The following ITK variants were observed in gnomAD, a reference collection of about 807,000 sequenced individuals.
The protein encoded by ITK is IL2 inducible T cell kinase.
Under a neutral mutation model 87.6 loss-of-function variants are expected in ITK, and 45 were observed. That is an observed-to-expected ratio of 0.51 (90% CI 0.40 to 0.66). ITK has a LOEUF of 0.66. Among genes scored for constraint, ITK ranks in the 30% least tolerant of loss-of-function variants. The probability of loss-of-function intolerance (pLI) is 0.00; values close to 1 mark genes in which losing one functional copy is unlikely to be tolerated. For synonymous variants in ITK, 303 were observed against 273.6 expected, an observed-to-expected ratio of 1.11 and a Z score of -1.06; for missense variants, 605 against 766.3, an observed-to-expected ratio of 0.79 and a Z score of 2.48.
chr5:157,230,520 T>C (rs938183751), intron 7 of ITK, among the ~76,000 whole-genome samples: 12 of 152,178 alleles, frequency 7.9e-5, no homozygotes, highest in Admixed American at 2.0e-4. Flanking sequence ...CTCAACCTTG[T>C]TTGTTTTGAT....
At chr5:157,197,208 C>T (rs1389037357) in intron 1 of ITK, among the ~76,000 whole-genome samples, 3 of 152,160 alleles carry the variant, frequency 2.0e-5, no homozygotes, top group Admixed American at 2.0e-4. Flanking sequence ...TCAAGAAGAA[C>T]ATGAGAGAGA....
chr5:157,242,649 G>A (rs1754934612), intron 11 of ITK, among the ~76,000 whole-genome samples: 1 of 152,000 alleles, frequency 6.6e-6, no homozygotes, highest in African/African-American at 2.4e-5. Flanking sequence ...TGTAGAGACA[G>A]GGTCTCACTA....
intron 1 of ITK, chr5:157,195,483 A>AT (rs1419744395): frequency 6.6e-6 from 1 of 152,126 alleles, no homozygotes; most frequent in African/African-American, 2.4e-5. Context: ...TTTTATTTTT[A>AT]TTTTTTCAGA....
At position 157,245,863 on chromosome 5, in the gene ITK, C is replaced by G. The variant is rs943470738; in HGVS notation, c.1515-18C>G. The G allele has an allele frequency of 1.2e-6, 2 of 1,610,706 alleles. No homozygotes were observed. Among genetic ancestry groups the G allele is most frequent in the African/African-American group, 1.3e-5 (1 of 74,834 alleles). On this transcript the variant is annotated intron_variant, in intron 14 of 16. Coordinates refer to ENST00000422843, the MANE Select transcript of ITK (RefSeq NM_005546.4). ...GCCCCCGGAACATTCTGACCTTCTC[C>G]CTCCACTCTCTTCCCAGGTTCGTTC...
chr5:157,244,496 G>A lies in ITK; in HGVS notation c.1449+18G>A, dbSNP rs780698240. On this transcript the variant is annotated intron_variant, in intron 13 of 16. Transcript: ENST00000422843. ...GAGACTTGGTATGAGCATGCAGGGT[G>A]AACACCCACAGGTCCAGGGTAAAGG... 9.8e-6 allele frequency: 14 copies of A among 1,424,718 alleles called. No homozygotes were observed. Among genetic ancestry groups the A allele is most frequent in the Non-Finnish European group, 1.4e-5 (14 of 1,007,120 alleles). 88.3% of individuals were successfully genotyped at this position (1,424,718 alleles called of 1,614,324 possible).
Position 157,243,660 on chromosome 5 carries a change from G to C in ITK, c.1098G>C (p.Val366=). ...TCGACCCCTCAGAGCTCACTTTTGT[G>C]CAAGAGATTGGCAGTGGGCAATTTG... ...WVIDPSELTF[V]QEIGSGQFGL... The change falls in exon 12 of 17, where the codon GTG becomes GTC. Residue 366 remains valine, a synonymous_variant. Coordinates refer to ENST00000422843, the MANE Select transcript of ITK (RefSeq NM_005546.4). The C allele has an allele frequency of 6.2e-7, 1 of 1,613,400 alleles. No homozygotes were observed. Among genetic ancestry groups the C allele is most frequent in the South Asian group, 1.1e-5 (1 of 91,038 alleles).
At position 157,252,710 on chromosome 5, in the gene ITK, A is replaced by G; in HGVS notation, c.*32A>G. ...CTGAGTACCAGGCCACGGGCTGCAG[A>G]TCCTGAATGGAGGAAGGATATGTCC... On this transcript the variant is annotated 3_prime_UTR_variant, in exon 17 of 17. Coordinates refer to ENST00000422843, the MANE Select transcript of ITK (RefSeq NM_005546.4). The G allele has an allele frequency of 3.4e-6, 5 of 1,487,370 alleles. No homozygotes were observed. Among genetic ancestry groups the G allele is most frequent in the Non-Finnish European group, 4.7e-6 (5 of 1,064,262 alleles). The allele number at this position is 1,487,370 out of a possible 1,614,324, so 92.1% of individuals were successfully genotyped here.
At chr5:157,241,110 G>A (rs1055680609) in intron 10 of ITK, 1 of 153,070 alleles carries the variant, frequency 6.5e-6, no homozygotes, top group Non-Finnish European at 1.4e-5. Context: ...GCTAATTTTG[G>A]TATTTTTTGT....
intron 8 of ITK, 140 bp from the exon 9 acceptor site, chr5:157,237,969 G>C (rs558263650): frequency 2.4e-5 from 17 of 696,220 alleles, no homozygotes; most frequent in Admixed American, 4.1e-5. Flanking sequence ...TAAATGAAAC[G>C]GTAGCCATTC....
At chr5:157,233,928 G>GAT (rs1554102416) in intron 8 of ITK, among the ~76,000 whole-genome samples, 35 of 45,566 alleles carry the variant, frequency 7.7e-4, no homozygotes, top group Admixed American at 1.3e-3. Flanking sequence ...CCTCCTTACT[G>GAT]ATACATATAT....
At chr5:157,223,076 C>A in intron 6 of ITK, 62 bp downstream of exon 6, 1 of 1,583,422 alleles carries the variant, frequency 6.3e-7, no homozygotes, top group Non-Finnish European at 8.7e-7. Flanking sequence ...AATAAAATAC[C>A]AGGATGATTT....
intron 1 of ITK, among the ~76,000 whole-genome samples, chr5:157,197,044 T>C (rs1439431901): frequency 6.6e-6 from 1 of 152,212 alleles, no homozygotes; most frequent in East Asian, 1.9e-4. Context: ...TAAACACACA[T>C]GTTTTCAACA....
At chr5:157,181,136 G>C (rs765005531) in intron 1 of ITK, 21 bp downstream of exon 1, 1 of 1,613,702 alleles carries the variant, frequency 6.2e-7, no homozygotes, top group East Asian at 2.2e-5. Flanking sequence ...AGTTTCATTT[G>C]TCTTTTTTCG....
At chr5:157,185,051 A>G (rs1355863045) in intron 1 of ITK, among the ~76,000 whole-genome samples, 1 of 152,034 alleles carries the variant, frequency 6.6e-6, no homozygotes, top group Non-Finnish European at 1.5e-5. Flanking sequence ...TGCTTGCAGC[A>G]AGCATCCTTT....
chr5:157,222,996 G>A lies in ITK; in HGVS notation c.629G>A (p.Arg210Lys). The A allele has an allele frequency of 6.2e-7, 1 of 1,614,110 alleles. No individual in the cohort carries two copies. The highest frequency in any genetic ancestry group is 8.5e-7 in the Non-Finnish European group (1 of 1,180,014). ...LLDSSEIHWW[R>K]VQDRNGHEGY... ...GACAGTTCTGAGATTCACTGGTGGA[G>A]AGTCCAGGACAGGAATGGGTAAGTC... Residue 210 changes from arginine (R) to lysine (K), a missense_variant, in exon 6 of 17, where the codon AGA becomes AAA. Arg to Lys is a conservative substitution (Grantham distance 26). Transcript: ENST00000422843.
At chr5:157,212,910 G>T (rs1436230473) in intron 3 of ITK, among the ~76,000 whole-genome samples, 1 of 152,112 alleles carries the variant, frequency 6.6e-6, no homozygotes, top group Non-Finnish European at 1.5e-5. Context: ...TTGGCCATTT[G>T]CCCTCTGTGA....
At chr5:157,225,825 G>A (rs1225620116) in intron 6 of ITK, among the ~76,000 whole-genome samples, 1 of 152,128 alleles carries the variant, frequency 6.6e-6, no homozygotes. Context: ...ACACCGAAGG[G>A]ACCTAGAAAT....
chr5:157,214,538 C>T (rs551151407), intron 4 of ITK, among the ~76,000 whole-genome samples: 121 of 152,158 alleles, frequency 8.0e-4, no homozygotes, highest in Middle Eastern at 3.4e-3. Context: ...GCTCTTTGGA[C>T]CAGCAGCATC....
intron 8 of ITK, among the ~76,000 whole-genome samples, chr5:157,237,653 A>G (rs909737434): frequency 6.6e-6 from 1 of 152,256 alleles, no homozygotes; most frequent in African/African-American, 2.4e-5. Flanking sequence ...ATCCTGGAGT[A>G]GTAGACCAAG....
Sources: gnomAD v4.1 joint callset for allele counts (sites outside exome capture counted in the v4.1 genomes callset) on GRCh38, gnomAD v4.1.1 for gene constraint, MANE v1.5 for transcripts, NCBI Gene and HGNC (gene_info 2026-07-23, HGNC 2026-07-21) for gene names.